GTF3C1: variants seen among roughly 807,000 people sequenced by gnomAD.
GTF3C1 encodes the protein general transcription factor 3C polypeptide 1.
In GTF3C1, 57 loss-of-function variants were observed where a neutral mutation model predicts 226.7. The ratio of observed to expected loss-of-function variants is 0.25; its 90% confidence interval spans 0.20 to 0.31. The LOEUF (loss-of-function observed/expected upper bound fraction) is 0.31. Among genes scored for constraint, GTF3C1 ranks in the 10% least tolerant of loss-of-function variants. The pLI is 1.00. For missense variants in GTF3C1, 2,217 were observed against 2,776.1 expected (o/e 0.80, Z 4.53); for synonymous variants, 1,090 against 1,084.8 (o/e 1.00, Z -0.09).
At chr16:27,530,702 G>T (rs1434372698) in intron 5 of GTF3C1, among the ~76,000 whole-genome samples, 1 of 152,092 alleles carries the variant, frequency 6.6e-6, no homozygotes, top group Non-Finnish European at 1.5e-5. Flanking sequence ...ACCCAAATCT[G>T]CTCCTCTTTC....
Position 27,464,299 on chromosome 16 carries a change from G to T in GTF3C1, c.5872+21C>A, listed in dbSNP as rs531919524. On this transcript the variant is annotated intron_variant, in intron 34 of 36. Transcript: ENST00000356183. Reference sequence around the variant, plus strand: ...AAGCCAGGGTGGGGTGAGGTGGGGTGGGGGACAAGGCGCGCGGTACCTCTG... The same window carrying T: ...AAGCCAGGGTGGGGTGAGGTGGGGTTGGGGACAAGGCGCGCGGTACCTCTG... The T allele has an allele frequency of 1.7e-5, 24 of 1,428,714 alleles. No individual in the cohort carries two copies. In the South Asian group the frequency reaches 3.2e-4, roughly 19 times the overall value. The allele number at this position is 1,428,714 out of a possible 1,614,324, so 88.5% of individuals were successfully genotyped here. A position where few individuals can be genotyped will look rare whatever the true frequency, so the allele number is the denominator to read the frequency against.
Position 27,507,730 on chromosome 16 carries a change from G to T in GTF3C1, c.1243-574C>A, listed in dbSNP as rs1394327146. On this transcript the variant is annotated intron_variant, in intron 8 of 36. Coordinates refer to ENST00000356183, the MANE Select transcript of GTF3C1 (RefSeq NM_001520.4). This position sits in a 1 kb window ranked among gnomAD's most constrained non-coding sequence, Gnocchi z 4.9. ...CAGTCACTCACCCAACTATAATACT[G>T]CCTTCCAGCCAGATGACCAGATCGT... Among the ~76,000 whole-genome samples, 1 of 152,206 alleles carries T rather than the reference G, an allele frequency of 6.6e-6. No homozygotes were observed. Among genetic ancestry groups the T allele is most frequent in the African/African-American group, 2.4e-5 (1 of 41,452 alleles).
In GTF3C1 at chr16:27,528,628, G is replaced by A; in HGVS notation, c.943C>T (p.Pro315Ser). The change falls in exon 6 of 37, where the codon CCT becomes TCT. Residue 315 changes from proline (P) to serine (S), a missense_variant. This residue lies in a region of GTF3C1 where 163 missense variants were observed against 234.3 expected (regional missense o/e 0.70). Transcript: ENST00000356183. ...VVSLRLQEIH[P>S]ECGPCKTKKG... is the part of the protein sequence containing the mutation. Reference sequence around the variant, plus strand: ...TTTGTCTTACAAGGTCCACATTCAGGGTGGATCTCTTGCAAGCGAAGAGAC... The same window carrying A: ...TTTGTCTTACAAGGTCCACATTCAGAGTGGATCTCTTGCAAGCGAAGAGAC... 6.2e-7 allele frequency: 1 copy of A among 1,610,130 alleles called. No individual in the cohort carries two copies. The highest frequency in any genetic ancestry group is 8.5e-7 in the Non-Finnish European group (1 of 1,176,588).
At position 27,549,675 on chromosome 16, in the gene GTF3C1, C is replaced by A; in HGVS notation, c.216G>T (p.Gln72His). The stretch of plus-strand genomic sequence containing the variant: ...AGGCCAGGCCGCCCGCTGACCGGTC[C>A]TGGAGCTGTAGGTCGGGTCGCTCCC... Reference protein sequence around the residue: ...EPRERPDLQLQDRYEEIDLET... With the variant: ...EPRERPDLQLHDRYEEIDLET... Residue 72 changes from glutamine to histidine, a missense_variant, in exon 1 of 37, where the codon CAG becomes CAT. Coordinates refer to ENST00000356183, the MANE Select transcript of GTF3C1 (RefSeq NM_001520.4). 6.4e-7 allele frequency: 1 copy of A among 1,562,008 alleles called. No individual in the cohort carries two copies. Among genetic ancestry groups the A allele is most frequent in the Non-Finnish European group, 8.7e-7 (1 of 1,153,128 alleles).
In GTF3C1 at chr16:27,464,313, G is replaced by A. The variant is rs201459937; in HGVS notation, c.5872+7C>T. On this transcript the variant is annotated splice_region_variant and intron_variant, in intron 34 of 36. Coordinates refer to ENST00000356183, the MANE Select transcript of GTF3C1 (RefSeq NM_001520.4). Reference sequence around the variant, plus strand: ...TGAGGTGGGGTGGGGGACAAGGCGCGCGGTACCTCTGGGGTCTTCAGAGCC... The same window carrying A: ...TGAGGTGGGGTGGGGGACAAGGCGCACGGTACCTCTGGGGTCTTCAGAGCC... 3.8e-5 allele frequency: 55 copies of A among 1,453,850 alleles called. No individual in the cohort carries two copies. The highest frequency in any genetic ancestry group is 2.4e-4 in the East Asian group (9 of 38,116). 90.1% of individuals were successfully genotyped at this position (1,453,850 alleles called of 1,614,324 possible). A position where few individuals can be genotyped will look rare whatever the true frequency, so the allele number is the denominator to read the frequency against.
rs201994459 is a variant in GTF3C1 at position 27,489,199 on chromosome 16, A to C, written c.3294-21T>G. Reference sequence around the variant, plus strand: ...TTCCACTAAAAGACAGGAAATCAACAGAAAAGAGCCCTTCTTGGTCATCAC... The same window carrying C: ...TTCCACTAAAAGACAGGAAATCAACCGAAAAGAGCCCTTCTTGGTCATCAC... On this transcript the variant is annotated intron_variant, in intron 20 of 36. Coordinates refer to ENST00000356183, the MANE Select transcript of GTF3C1 (RefSeq NM_001520.4). 1.2e-3 allele frequency: 1,932 copies of C among 1,612,874 alleles called. 3 individuals are homozygous for C. The highest frequency in any genetic ancestry group is 1.6e-3 in the Non-Finnish European group (1,830 of 1,179,056).
At chr16:27,523,844 G>A (rs1434388919) in intron 6 of GTF3C1, among the ~76,000 whole-genome samples, 4 of 152,206 alleles carry the variant, frequency 2.6e-5, no homozygotes, top group Admixed American at 2.6e-4. Flanking sequence ...GTGGGCAACA[G>A]TATGGGCAAA....
Position 27,469,673 on chromosome 16 carries a change from C to T in GTF3C1, c.4815-123G>A. On this transcript the variant is annotated intron_variant, in intron 31 of 36. Coordinates refer to ENST00000356183, the MANE Select transcript of GTF3C1 (RefSeq NM_001520.4). The surrounding 1 kb of genome is among the most constrained non-coding windows in gnomAD (Gnocchi z 4.5). Reference sequence around the variant, plus strand: ...GCAGTGGCCCCAGCAACTGGCTATGCTTCATTACCAAGGCTGGTGTGGATG... The same window carrying T: ...GCAGTGGCCCCAGCAACTGGCTATGTTTCATTACCAAGGCTGGTGTGGATG... The T allele has an allele frequency of 6.6e-6, 7 of 1,066,350 alleles. No homozygotes were observed. The highest frequency in any genetic ancestry group is 1.5e-5 in the South Asian group (1 of 67,356). 66.1% of individuals were successfully genotyped at this position (1,066,350 alleles called of 1,614,324 possible). A position where few individuals can be genotyped will look rare whatever the true frequency, so the allele number is the denominator to read the frequency against.
rs1342038428 is a variant in GTF3C1 at position 27,537,940 on chromosome 16, A to T, written c.609-13T>A. 6.2e-7 allele frequency: 1 copy of T among 1,612,684 alleles called. No homozygotes were observed. The highest frequency in any genetic ancestry group is 8.5e-7 in the Non-Finnish European group (1 of 1,179,452). On this transcript the variant is annotated splice_polypyrimidine_tract_variant and intron_variant, in intron 3 of 36. Coordinates refer to ENST00000356183, the MANE Select transcript of GTF3C1 (RefSeq NM_001520.4). Reference sequence around the variant, plus strand: ...CCCAGCATCAACCCTGGAGGAAAAGAGGAGCCATGTCATTTGCTTTGCTGG... The same window carrying T: ...CCCAGCATCAACCCTGGAGGAAAAGTGGAGCCATGTCATTTGCTTTGCTGG...
chr16:27,546,695 G>A (rs996239382), intron 1 of GTF3C1, among the ~76,000 whole-genome samples: 1 of 151,718 alleles, frequency 6.6e-6, no homozygotes, highest in Non-Finnish European at 1.5e-5. Context: ...GTCTAATTGC[G>A]GCTAAATCCT....
Position 27,537,931 on chromosome 16 carries a change from G to A in GTF3C1, c.609-4C>T. 1 of 1,613,128 alleles carries A rather than the reference G, an allele frequency of 6.2e-7. No individual in the cohort carries two copies. The highest frequency in any genetic ancestry group is 8.5e-7 in the Non-Finnish European group (1 of 1,179,648). ...GTGCAGCTTCCCAGCATCAACCCTG[G>A]AGGAAAAGAGGAGCCATGTCATTTG... is the stretch of plus-strand genomic sequence containing the variant. On this transcript the variant is annotated splice_polypyrimidine_tract_variant and splice_region_variant and intron_variant, in intron 3 of 36. Coordinates refer to ENST00000356183, the MANE Select transcript of GTF3C1 (RefSeq NM_001520.4).
At chr16:27,520,751 GCT>G (rs1213634070) in intron 6 of GTF3C1, among the ~76,000 whole-genome samples, 2 of 152,076 alleles carry the variant, frequency 1.3e-5, no homozygotes, top group Admixed American at 1.3e-4. Context: ...ATGGAGTTTT[GCT>G]CTGTCGCCCA....
At position 27,464,719 on chromosome 16, in the gene GTF3C1, C is replaced by T. The variant is rs779758810; in HGVS notation, c.5473G>A (p.Ala1825Thr). ...HSVRLKDREDADIQREDPQAR... is the reference protein window; with the variant it reads ...HSVRLKDREDTDIQREDPQAR... ...TGGGGGTCTTCTCTCTGGATGTCGGCGTCTTCTCTGTCTTTCAGCCGCACG... is the reference window on the plus strand; with the variant it reads ...TGGGGGTCTTCTCTCTGGATGTCGGTGTCTTCTCTGTCTTTCAGCCGCACG... Residue 1825 changes from alanine to threonine, a missense_variant, in exon 34 of 37, where the codon GCC (alanine) becomes ACC (threonine). Around this residue, in one of 12 missense-constraint regions of GTF3C1, gnomAD observed 455 missense variants for 441.9 expected, o/e 1.03. Coordinates refer to ENST00000356183, the MANE Select transcript of GTF3C1 (RefSeq NM_001520.4). 41 of 1,595,818 alleles carry T rather than the reference C, an allele frequency of 2.6e-5. No homozygotes were observed. The highest frequency in any genetic ancestry group is 1.7e-4 in the Middle Eastern group (1 of 6,022).
At chr16:27,487,671 T>C (rs1347071351) in intron 23 of GTF3C1, among the ~76,000 whole-genome samples, 2 of 152,174 alleles carry the variant, frequency 1.3e-5, no homozygotes, top group Non-Finnish European at 2.9e-5. Context: ...CGCACGCCTG[T>C]AATCCCAGCT....
At position 27,470,630 on chromosome 16, in the gene GTF3C1, T is replaced by A; in HGVS notation, c.4527-235A>T. On this transcript the variant is annotated intron_variant, in intron 30 of 36. Transcript: ENST00000356183. The surrounding 1 kb of genome is among the most constrained non-coding windows in gnomAD (Gnocchi z 4.9). Reference sequence around the variant, plus strand: ...TTCCGGGCAGAGTCCTGTCTCCTCATCTAATTCAATGTGGCCTCACCTGGC... The same window carrying A: ...TTCCGGGCAGAGTCCTGTCTCCTCAACTAATTCAATGTGGCCTCACCTGGC... 1.9e-6 allele frequency: 1 copy of A among 527,448 alleles called. No individual in the cohort carries two copies. Among genetic ancestry groups the A allele is most frequent in the South Asian group, 2.2e-5 (1 of 46,154 alleles). The allele number at this position is 527,448 out of a possible 1,614,324, so 32.7% of individuals were successfully genotyped here. A position where few individuals can be genotyped will look rare whatever the true frequency, so the allele number is the denominator to read the frequency against.
At chr16:27,508,274 G>C (rs1367738376) in intron 8 of GTF3C1, among the ~76,000 whole-genome samples, 2 of 152,226 alleles carry the variant, frequency 1.3e-5, no homozygotes. Context: ...GCCTCCCAAA[G>C]TGTTGGGATT....
Position 27,536,564 on chromosome 16 carries a change from A to G in GTF3C1, c.752+1220T>C, listed in dbSNP as rs577506338. On this transcript the variant is annotated intron_variant, in intron 4 of 36. Transcript: ENST00000356183. ...CAGAGGTGCAGCAATGATGATTTTC[A>G]CCCCTGGAGATCCGCAGTCAATAAA... 4.6e-4 allele frequency among the ~76,000 whole-genome samples: 70 copies of G among 152,182 alleles called. 1 individual carries two copies. Among genetic ancestry groups the G allele is most frequent in the African/African-American group, 1.7e-3 (69 of 41,536 alleles).
chr16:27,513,937 A>T (rs529503465), intron 6 of GTF3C1, among the ~76,000 whole-genome samples: 1 of 152,244 alleles, frequency 6.6e-6, no homozygotes, highest in South Asian at 2.1e-4. Flanking sequence ...AGGTCCGAGG[A>T]AAGTCAGGCC....
Position 27,464,650 on chromosome 16 carries a change from CG to C in GTF3C1, c.5541del (p.Glu1848ArgfsTer33), listed in dbSNP as rs763161381. 18 of 1,519,976 alleles carry C rather than the reference CG, an allele frequency of 1.2e-5. No individual in the cohort carries two copies. Among genetic ancestry groups the C allele is most frequent in the African/African-American group, 4.2e-5 (3 of 70,798 alleles). The allele number at this position is 1,519,976 out of a possible 1,614,324, so 94.2% of individuals were successfully genotyped here. Reference sequence around the variant, plus strand: ...CTGTGAGAAGGAGGTGCCTGCCCCTCGGGGGGGCTGTCCTCACTGGAAGACC... The same window carrying C: ...CTGTGAGAAGGAGGTGCCTGCCCCTCGGGGGGCTGTCCTCACTGGAAGACC... Reference protein sequence around the residue: ...LEGSSSEDSPPEGQAPPSHSP... With the variant: ...LEGSSSEDSPXEGQAPPSHSP... On this transcript the variant is annotated frameshift_variant, in exon 34 of 37. Transcript: ENST00000356183. LOFTEE classifies it high-confidence loss of function.
Sources: allele counts gnomAD v4.1 joint callset (sites outside exome capture counted in the v4.1 genomes callset), GRCh38; gene constraint gnomAD v4.1.1; regional missense constraint gnomAD v4.1.1; non-coding constraint Gnocchi (gnomAD v3.1); transcripts MANE v1.5; gene names NCBI Gene and HGNC (gene_info 2026-07-23, HGNC 2026-07-21).